ORC3: variants seen among roughly 807,000 people sequenced by gnomAD.
ORC3 encodes homolog of latheo, Drosophila.
A neutral mutation model predicts 100.7 loss-of-function variants in ORC3; 78 were observed. That is an observed-to-expected ratio of 0.77 (90% CI 0.65 to 0.94). ORC3 has a LOEUF of 0.94. ORC3 is among the 40% of genes least tolerant of loss of function. The pLI, the probability that ORC3 is intolerant of heterozygous loss-of-function variation, is 0.00. For missense variants in ORC3, 789 were observed against 823.9 expected, an observed-to-expected ratio of 0.96 and a Z score of 0.52; for synonymous variants, 295 against 289.3, an observed-to-expected ratio of 1.02 and a Z score of -0.20.
At position 87,657,964 on chromosome 6, in the gene ORC3, C is replaced by T. The variant is rs775615229; in HGVS notation, c.1637C>T (p.Thr546Ile). ...GAGTTAAGAAGAAGTAAGAAGCAAA[C>T]CAAATTTGAAGTACTCAGAGAAAAT... ...MKELRRSKKQ[T>I]KFEVLRENVV... Residue 546 changes from threonine to isoleucine, a missense_variant, in exon 16 of 20, where the codon ACC (threonine) becomes ATC (isoleucine). This residue lies in a region of ORC3 where 366 missense variants were observed against 394.2 expected (regional missense o/e 0.93). Transcript: ENST00000392844. 1.2e-6 allele frequency: 2 copies of T among 1,604,084 alleles called. No homozygotes were observed. Among genetic ancestry groups the T allele is most frequent in the East Asian group, 2.2e-5 (1 of 44,824 alleles).
At chr6:87,618,182 A>G (rs996263888) in intron 9 of ORC3, among the ~76,000 whole-genome samples, 2 of 152,176 alleles carry the variant, frequency 1.3e-5, no homozygotes, top group African/African-American at 4.8e-5. Flanking sequence ...AGGCCGAGGC[A>G]GGCAGATCAT....
At chr6:87,656,837 G>A (rs1769741782) in intron 14 of ORC3, 69 bp from the exon 15 acceptor site, 1 of 995,548 alleles carries the variant, frequency 1.0e-6, no homozygotes, top group Non-Finnish European at 1.5e-6. Context: ...CTTTGGAGTA[G>A]TAGAAATGTT....
At chr6:87,653,022 G>A in intron 13 of ORC3, 94 bp from the exon 14 acceptor site, 1 of 970,886 alleles carries the variant, frequency 1.0e-6, no homozygotes, top group East Asian at 2.8e-5. Context: ...TTTATCTTCT[G>A]AGCGGAAACA....
chr6:87,626,926 C>T (rs1779941892), intron 11 of ORC3, among the ~76,000 whole-genome samples: 1 of 151,488 alleles, frequency 6.6e-6, no homozygotes, highest in Non-Finnish European at 1.5e-5. Context: ...AAAATAATAA[C>T]TTGTTATATA....
chr6:87,675,619 GAA>G, the ORC3 span: 5 of 1,613,606 alleles, frequency 3.1e-6, no homozygotes, highest in Non-Finnish European at 4.2e-6. Flanking sequence ...TAAAGGGTGA[GAA>G]AAAGAAAATT....
intron 13 of ORC3, among the ~76,000 whole-genome samples, chr6:87,637,739 T>G (rs1039657522): frequency 3.3e-5 from 5 of 152,202 alleles, no homozygotes; most frequent in Admixed American, 6.5e-5. Context: ...CAACACCAGT[T>G]GTCTTAGGGT....
intron 16 of ORC3, among the ~76,000 whole-genome samples, chr6:87,659,480 C>A (rs1438551702): frequency 6.6e-6 from 1 of 152,092 alleles, no homozygotes; most frequent in Non-Finnish European, 1.5e-5. Context: ...TGACAAATTA[C>A]ATGTCTTTTC....
At chr6:87,603,578 T>A (rs1562323717) in intron 4 of ORC3, 50 bp downstream of exon 4, 21 of 1,276,334 alleles carry the variant, frequency 1.6e-5, no homozygotes, top group Non-Finnish European at 2.2e-5. Flanking sequence ...TATTTCGTTT[T>A]TAAATTTTTT....
intron 12 of ORC3, 51 bp from the exon 13 acceptor site, chr6:87,636,356 A>G: frequency 9.5e-7 from 1 of 1,049,378 alleles, no homozygotes; most frequent in African/African-American, 1.6e-5. Flanking sequence ...TTGCCAAACT[A>G]GTAGTGTGTA....
chr6:87,657,465 T>G (rs531720905), intron 15 of ORC3, among the ~76,000 whole-genome samples: 12 of 152,360 alleles, frequency 7.9e-5, no homozygotes, highest in Middle Eastern at 6.8e-3. Context: ...GGATCTTGAT[T>G]GTCGAAATGA....
intron 19 of ORC3, among the ~76,000 whole-genome samples, chr6:87,666,628 G>A (rs1482602415): frequency 6.6e-6 from 1 of 150,822 alleles, no homozygotes; most frequent in East Asian, 2.0e-4. Flanking sequence ...TAGGGGAGAT[G>A]GGATTTCACC....
intron 9 of ORC3, among the ~76,000 whole-genome samples, chr6:87,617,948 TA>T (rs1227524170): frequency 6.6e-6 from 1 of 152,190 alleles, no homozygotes; most frequent in Non-Finnish European, 1.5e-5. Flanking sequence ...AAGAGTATTT[TA>T]AAAGAATAAA....
At chr6:87,600,720 T>C (rs1228034949) in intron 2 of ORC3, among the ~76,000 whole-genome samples, 1 of 152,182 alleles carries the variant, frequency 6.6e-6, no homozygotes, top group Non-Finnish European at 1.5e-5. Flanking sequence ...GGGAGAAGGA[T>C]GGATTGTACA....
intron 13 of ORC3, among the ~76,000 whole-genome samples, chr6:87,647,752 G>A (rs1271849555): frequency 6.6e-6 from 1 of 152,162 alleles, no homozygotes; most frequent in Non-Finnish European, 1.5e-5. Context: ...GACTGACAAA[G>A]GAGTTGAAAC....
chr6:87,641,077 C>G (rs1006811678), intron 13 of ORC3, among the ~76,000 whole-genome samples: 1 of 151,864 alleles, frequency 6.6e-6, no homozygotes, highest in Non-Finnish European at 1.5e-5. Context: ...CCATTGCACT[C>G]CAGCCTGGGC....
chr6:87,635,285 A>G (rs997973633), intron 12 of ORC3, among the ~76,000 whole-genome samples: 1 of 152,196 alleles, frequency 6.6e-6, no homozygotes, highest in African/African-American at 2.4e-5. Context: ...CCTTAATGGA[A>G]GAAGGAATCT....
chr6:87,618,197 T>C (rs1236999287), intron 9 of ORC3, among the ~76,000 whole-genome samples: 2 of 152,136 alleles, frequency 1.3e-5, no homozygotes, highest in Non-Finnish European at 2.9e-5. Context: ...GATCATGATA[T>C]CAGGAGTTCG....
chr6:87,651,194 T>C (rs1769236388), intron 13 of ORC3: 1 of 456,276 alleles, frequency 2.2e-6, no homozygotes, highest in Non-Finnish European at 4.4e-6. Flanking sequence ...CCTTCCTTGA[T>C]ATTCAGTTAT....
In ORC3 at chr6:87,605,985, C is replaced by G; in HGVS notation, c.391C>G (p.Pro131Ala). 6.2e-7 allele frequency: 1 copy of G among 1,605,010 alleles called. No individual in the cohort carries two copies. Among genetic ancestry groups the G allele is most frequent in the Non-Finnish European group, 8.5e-7 (1 of 1,172,536 alleles). ...AGAGGCCCTTCAGAATAATGTCACA[C>G]CATATGTAGTCTCATTGCAAGCTAA... ...LTEALQNNVT[P>A]YVVSLQAKDC... is the part of the protein sequence containing the mutation. Residue 131 changes from proline to alanine, a missense_variant, in exon 5 of 20, where the codon CCA becomes GCA. Physicochemically the swap from Pro to Ala is conservative, Grantham distance 27. Coordinates refer to ENST00000392844, the MANE Select transcript of ORC3 (RefSeq NM_012381.4).
Sources: gnomAD v4.1 joint callset for allele counts (sites outside exome capture counted in the v4.1 genomes callset) on GRCh38, gnomAD v4.1.1 for gene constraint, gnomAD v4.1.1 regional missense constraint, MANE v1.5 for transcripts, NCBI Gene and HGNC (gene_info 2026-07-23, HGNC 2026-07-21) for gene names.